CXXC4: variants seen among roughly 807,000 people sequenced by gnomAD.
CXXC4 encodes CXXC-type zinc finger protein 4.
A neutral mutation model predicts 20.5 loss-of-function variants in CXXC4; 5 were observed. The ratio of observed to expected loss-of-function variants is 0.24; its 90% CI spans 0.13 to 0.51. The LOEUF is 0.51. Among genes scored for constraint, CXXC4 ranks in the 20% least tolerant of loss-of-function variants. The probability of loss-of-function intolerance (pLI) is 0.97; values close to 1 mark genes in which losing one functional copy is unlikely to be tolerated. For synonymous variants in CXXC4, 250 were observed against 216.4 expected, an observed-to-expected ratio of 1.16 and a Z score of -1.36; for missense variants, 419 against 496.4, an observed-to-expected ratio of 0.84 and a Z score of 1.48.
Position 104,490,734 on chromosome 4 carries a change from C to T in CXXC4, c.1059+10G>A. 6.3e-7 allele frequency: 1 copy of T among 1,593,996 alleles called. No homozygotes were observed. The highest frequency in any genetic ancestry group is 1.1e-5 in the South Asian group (1 of 88,178). ...GGGAGACTGGGAAACAAGAAATCATCTCCTCTGACCTCTAGTGAAGTGCCA... is the reference window on the plus strand; with the variant it reads ...GGGAGACTGGGAAACAAGAAATCATTTCCTCTGACCTCTAGTGAAGTGCCA... On this transcript the variant is annotated intron_variant, in intron 2 of 2. Transcript: ENST00000394767.
In CXXC4 at chr4:104,490,909, G is replaced by A; in HGVS notation, c.894C>T (p.Ala298=). The A allele has an allele frequency of 6.2e-7, 1 of 1,614,098 alleles. No homozygotes were observed. The highest frequency in any genetic ancestry group is 8.5e-7 in the Non-Finnish European group (1 of 1,180,020). Residue 298 remains alanine (A), a synonymous_variant, in exon 2 of 3, where the codon GCC becomes GCT. Coordinates refer to ENST00000394767, the MANE Select transcript of CXXC4 (RefSeq NM_025212.4). ...TTTTCCTCTTCTTCTTGGCTGGGTT[G>A]GCTCCGCCAGCTCCCCCTGAGGAGG... is the stretch of plus-strand genomic sequence containing the variant. The part of the protein sequence containing the change: ...SSSSSGGAGG[A]NPAKKKRKRC...
rs771531172 is a variant in CXXC4, at chr4:104,471,343, G to A, written c.*979C>T. 1.3e-5 allele frequency: 2 copies of A among 151,690 alleles called. No homozygotes were observed. Among genetic ancestry groups the A allele is most frequent in the Non-Finnish European group, 2.9e-5 (2 of 67,908 alleles). The allele number at this position is 151,690 out of a possible 1,614,324, so 9.4% of individuals were successfully genotyped here. The stretch of plus-strand genomic sequence containing the variant: ...GAAAAAAATTAAGAAACAATAAAAC[G>A]TATACAGCCCATATTGGGCTGGGGA... On this transcript the variant is annotated 3_prime_UTR_variant, in exon 3 of 3. Coordinates refer to ENST00000394767, the MANE Select transcript of CXXC4 (RefSeq NM_025212.4).
intron 2 of CXXC4, among the ~76,000 whole-genome samples, chr4:104,481,735 G>A (rs1420762169): frequency 6.6e-6 from 1 of 152,150 alleles, no homozygotes; most frequent in Admixed American, 6.5e-5. Flanking sequence ...TGGAACTTAA[G>A]TCTTGGAAGA....
intron 2 of CXXC4, among the ~76,000 whole-genome samples, chr4:104,479,844 T>C (rs956866859): frequency 3.4e-5 from 5 of 144,956 alleles, no homozygotes; most frequent in African/African-American, 1.2e-4. Flanking sequence ...TCTCCCTTTA[T>C]TCCTTCCTTT....
At chr4:104,476,580 A>C (rs1263364205) in intron 2 of CXXC4, among the ~76,000 whole-genome samples, 1 of 152,208 alleles carries the variant, frequency 6.6e-6, no homozygotes, top group African/African-American at 2.4e-5. Context: ...AATTAATGAA[A>C]ACTTTTGATG....
At position 104,490,724 on chromosome 4, in the gene CXXC4, A is replaced by G. The variant is rs888572765; in HGVS notation, c.1059+20T>C. Reference sequence around the variant, plus strand: ...GAGGGAAGGGGGGAGACTGGGAAACAAGAAATCATCTCCTCTGACCTCTAG... The same window carrying G: ...GAGGGAAGGGGGGAGACTGGGAAACGAGAAATCATCTCCTCTGACCTCTAG... On this transcript the variant is annotated intron_variant, in intron 2 of 2. Transcript: ENST00000394767. 1 of 1,584,932 alleles carries G rather than the reference A, an allele frequency of 6.3e-7. No individual in the cohort carries two copies. The highest frequency in any genetic ancestry group is 1.7e-5 in the Admixed American group (1 of 57,358).
intron 2 of CXXC4, among the ~76,000 whole-genome samples, chr4:104,486,996 A>G (rs1736716050): frequency 6.6e-6 from 1 of 152,126 alleles, no homozygotes; most frequent in South Asian, 2.1e-4. Flanking sequence ...CAAGTTAGAG[A>G]CAGTATTTGA....
chr4:104,484,081 G>A (rs894600708), intron 2 of CXXC4, among the ~76,000 whole-genome samples: 1 of 151,940 alleles, frequency 6.6e-6, no homozygotes, highest in Non-Finnish European at 1.5e-5. Flanking sequence ...TTTAATGTCT[G>A]AAAACTATAA....
intron 2 of CXXC4, among the ~76,000 whole-genome samples, 194 bp from the exon 3 acceptor site, chr4:104,472,560 T>G (rs1736302811): frequency 6.6e-6 from 1 of 152,042 alleles, no homozygotes; most frequent in Admixed American, 6.6e-5. Context: ...TTGAATTTAA[T>G]GCTAACTTGC....
chr4:104,478,979 ATG>A (rs1217367233), intron 2 of CXXC4, among the ~76,000 whole-genome samples: 1 of 152,072 alleles, frequency 6.6e-6, no homozygotes, highest in Non-Finnish European at 1.5e-5. Context: ...CTAAATAAAT[ATG>A]TGTGTGTATA....
intron 2 of CXXC4, among the ~76,000 whole-genome samples, chr4:104,479,059 A>C (rs1736490956): frequency 6.6e-6 from 1 of 152,154 alleles, no homozygotes; most frequent in South Asian, 2.1e-4. Flanking sequence ...ATTCCCATTG[A>C]ATGCAACAGC....
rs531108033 is a variant in CXXC4, at chr4:104,491,566, C to T, written c.237G>A (p.Ala79=). ...PIFPSSAAAA[A]AAARIGMSPW... ...GGGACATGCCGATGCGCGCGGCGGC[C>T]GCGGCGGCGGCGGCGCTGCTGGGGA... Residue 79 remains alanine, a synonymous_variant, in exon 2 of 3, where the codon GCG becomes GCA. Coordinates refer to ENST00000394767, the MANE Select transcript of CXXC4 (RefSeq NM_025212.4). The T allele has an allele frequency of 2.7e-6, 4 of 1,508,942 alleles. No homozygotes were observed. Among genetic ancestry groups the T allele is most frequent in the South Asian group, 2.5e-5 (2 of 80,180 alleles). 93.5% of individuals were successfully genotyped at this position (1,508,942 alleles called of 1,614,324 possible). A position where few individuals can be genotyped will look rare whatever the true frequency, so the allele number is the denominator to read the frequency against.
At position 104,469,487 on chromosome 4, in the gene CXXC4, C is replaced by A. The variant is rs1384856341; in HGVS notation, c.*2835G>T. 4 of 151,948 alleles carry A rather than the reference C, an allele frequency of 2.6e-5. No individual in the cohort carries two copies. Among genetic ancestry groups the A allele is most frequent in the African/African-American group, 9.7e-5 (4 of 41,374 alleles). The allele number at this position is 151,948 out of a possible 1,614,324, so 9.4% of individuals were successfully genotyped here. A position where few individuals can be genotyped will look rare whatever the true frequency, so the allele number is the denominator to read the frequency against. ...CAATCTACATTCTGAATTTTCTTGA[C>A]AGTGAATATAAAACACACAGTGAGG... On this transcript the variant is annotated 3_prime_UTR_variant, in exon 3 of 3. Transcript: ENST00000394767.
In CXXC4 at chr4:104,472,115, A is replaced by C. The variant is rs745646592; in HGVS notation, c.*207T>G. The C allele has an allele frequency of 2.6e-6, 1 of 391,906 alleles. No individual in the cohort carries two copies. The highest frequency in any genetic ancestry group is 4.6e-6 in the Non-Finnish European group (1 of 217,014). 24.3% of individuals were successfully genotyped at this position (391,906 alleles called of 1,614,324 possible). ...GAATCAGCGTATTGAAAGTAAATAG[A>C]CTGGCCAATTCTCCAAGCTCTCACA... is the stretch of plus-strand genomic sequence containing the variant. On this transcript the variant is annotated 3_prime_UTR_variant, in exon 3 of 3. Transcript: ENST00000394767.
chr4:104,481,002 A>G (rs539803722), intron 2 of CXXC4, among the ~76,000 whole-genome samples: 13 of 152,196 alleles, frequency 8.5e-5, no homozygotes, highest in African/African-American at 2.9e-4. Context: ...AGCAGTCTGT[A>G]AAATATGCCT....
At chr4:104,494,208 T>C (rs1487069814) in intron 1 of CXXC4, among the ~76,000 whole-genome samples, 2 of 152,226 alleles carry the variant, frequency 1.3e-5, no homozygotes, top group African/African-American at 4.8e-5. Context: ...CACACACAAA[T>C]AACTATAGTT....
intron 2 of CXXC4, among the ~76,000 whole-genome samples, chr4:104,473,755 C>T (rs1205012974): frequency 6.7e-6 from 1 of 149,554 alleles, no homozygotes; most frequent in Non-Finnish European, 1.5e-5. Context: ...AGAGCACATA[C>T]ATACACACAC....
Position 104,491,254 on chromosome 4 carries a change from G to C in CXXC4, c.549C>G (p.Gly183=). 6.2e-7 allele frequency: 1 copy of C among 1,612,704 alleles called. No individual in the cohort carries two copies. The highest frequency in any genetic ancestry group is 8.5e-7 in the Non-Finnish European group (1 of 1,179,782). ...TTTGCAACGACGGCTCTGGCGGGCA[G>C]CCAGCTTTCCCCAGCCTCTGGGAGT... ...RNDSQRLGKA[G]CPPEPSLQMA... is the part of the protein sequence containing the mutation. Residue 183 remains glycine, a synonymous_variant, in exon 2 of 3, where the codon GGC becomes GGG. Coordinates refer to ENST00000394767, the MANE Select transcript of CXXC4 (RefSeq NM_025212.4).
chr4:104,480,826 C>T (rs1212653119), intron 2 of CXXC4, among the ~76,000 whole-genome samples: 1 of 151,884 alleles, frequency 6.6e-6, no homozygotes, highest in African/African-American at 2.4e-5. Flanking sequence ...TATTTCCTTC[C>T]TCTCTTCCTT....
Sources: gnomAD v4.1 joint callset for allele counts (sites outside exome capture counted in the v4.1 genomes callset) on GRCh38, gnomAD v4.1.1 for gene constraint, MANE v1.5 for transcripts, NCBI Gene and HGNC (gene_info 2026-07-23, HGNC 2026-07-21) for gene names.